The following RBM19 variants were observed in gnomAD, a reference collection of about 807,000 sequenced individuals.
The protein encoded by RBM19 is RNA binding motif protein 19, also known as probable RNA-binding protein 19.
A neutral mutation model predicts 116.8 loss-of-function variants in RBM19; 94 were observed. The observed-to-expected ratio is 0.80, with a 90% CI of 0.68 to 0.95. RBM19 has a LOEUF of 0.95. Ranked by LOEUF, RBM19 falls within the 40% of genes least tolerant of loss-of-function variation. The pLI is 0.00. For missense variants in RBM19, 1,161 were observed against 1,220.7 expected, an observed-to-expected ratio of 0.95 and a Z score of 0.73; for synonymous variants, 475 against 494.1, an observed-to-expected ratio of 0.96 and a Z score of 0.51.
chr12:113,946,445 T>C lies in RBM19; in HGVS notation c.1438A>G (p.Ile480Val), dbSNP rs1247065509. The part of the protein sequence containing the change: ...GRMLHVLPST[I>V]KKEASEDASA... ...GCATCCTCGCTGGCTTCCTTCTTGA[T>C]GGTAGATGGTAACACGTGGAGCATC... is the stretch of plus-strand genomic sequence containing the variant. Residue 480 changes from isoleucine (I) to valine (V), a missense_variant, in exon 12 of 24, where the codon ATC becomes GTC. Physicochemically the swap from Ile to Val is conservative, Grantham distance 29. Coordinates refer to ENST00000261741, the MANE Select transcript of RBM19 (RefSeq NM_016196.4). 2.5e-6 allele frequency: 4 copies of C among 1,614,092 alleles called. No homozygotes were observed. The highest frequency in any genetic ancestry group is 3.4e-6 in the Non-Finnish European group (4 of 1,180,000).
chr12:113,961,884 T>G (rs545388989), intron 2 of RBM19, among the ~76,000 whole-genome samples: 1 of 152,170 alleles, frequency 6.6e-6, no homozygotes. Context: ...CCCAGCATCA[T>G]TGAGTGCTTG....
At chr12:113,843,675 C>T (rs1435314207) in intron 23 of RBM19, among the ~76,000 whole-genome samples, 2 of 152,196 alleles carry the variant, frequency 1.3e-5, no homozygotes, top group Non-Finnish European at 2.9e-5. Context: ...AGGTCAAGTA[C>T]CCCTTGATAT....
chr12:113,952,300 A>T lies in RBM19; in HGVS notation c.1000+212T>A, dbSNP rs183854109. 2.0e-3 allele frequency among the ~76,000 whole-genome samples: 311 copies of T among 152,346 alleles called. 1 individual carries two copies. Among genetic ancestry groups the T allele is most frequent in the African/African-American group, 6.9e-3 (287 of 41,586 alleles). On this transcript the variant is annotated intron_variant, in intron 8 of 23. Transcript: ENST00000261741. ...TGAGGAAGGGAAGGATGAAAAGCACAGGTGAGAACTCCATCCCTATACACT... is the reference window on the plus strand; with the variant it reads ...TGAGGAAGGGAAGGATGAAAAGCACTGGTGAGAACTCCATCCCTATACACT...
At chr12:113,863,338 G>A (rs940946237) in intron 21 of RBM19, among the ~76,000 whole-genome samples, 1 of 152,104 alleles carries the variant, frequency 6.6e-6, no homozygotes, top group South Asian at 2.1e-4. Context: ...CTACCGAAAA[G>A]GGATGAATCA....
chr12:113,899,167 G>A (rs779910102), intron 21 of RBM19, among the ~76,000 whole-genome samples: 5 of 152,206 alleles, frequency 3.3e-5, no homozygotes, highest in Non-Finnish European at 7.3e-5. Context: ...CCATCACGTC[G>A]TTGGGAATTC....
chr12:113,934,494 T>G (rs1449011067), intron 16 of RBM19, among the ~76,000 whole-genome samples: 22 of 152,208 alleles, frequency 1.4e-4, no homozygotes, highest in Non-Finnish European at 1.5e-5. Flanking sequence ...CTTTTGCTCT[T>G]GGGTTCACTC....
chr12:113,856,878 A>C (rs1182475308), intron 22 of RBM19, among the ~76,000 whole-genome samples: 1 of 152,158 alleles, frequency 6.6e-6, no homozygotes, highest in Non-Finnish European at 1.5e-5. Context: ...AAACCCTGTG[A>C]CCATTTTACG....
In RBM19 at chr12:113,949,733, A is replaced by G. The variant is rs527785451; in HGVS notation, c.1072+350T>C. On this transcript the variant is annotated intron_variant, in intron 9 of 23. Coordinates refer to ENST00000261741, the MANE Select transcript of RBM19 (RefSeq NM_016196.4). ...TACACAACTGTAGGTTTGTGTCCCA[A>G]TGTCACCCCTCGGTGAGGCCAAAGC... 1.2e-4 allele frequency among the ~76,000 whole-genome samples: 18 copies of G among 152,216 alleles called. No homozygotes were observed. In the South Asian group the frequency reaches 2.3e-3, roughly 19 times the overall value.
intron 6 of RBM19, 93 bp from the exon 7 acceptor site, chr12:113,955,304 G>A: frequency 8.1e-7 from 1 of 1,230,658 alleles, no homozygotes; most frequent in Non-Finnish European, 1.2e-6. Context: ...TGCCAGAGAA[G>A]GTGCCTGCCG....
At position 113,939,996 on chromosome 12, in the gene RBM19, C is replaced by T; in HGVS notation, c.1902G>A (p.Glu634=). Reference sequence around the variant, plus strand: ...CCAGATGCCTGAAGGCCTTGCGGGCCTCCAGGGGCTCCAGGAACTCCACGA... The same window carrying T: ...CCAGATGCCTGAAGGCCTTGCGGGCTTCCAGGGGCTCCAGGAACTCCACGA... The part of the protein sequence containing the change: ...TAIVEFLEPL[E]ARKAFRHLAY... Residue 634 remains glutamate, a synonymous_variant, in exon 15 of 24, where the codon GAG becomes GAA. Transcript: ENST00000261741. 1 of 1,614,150 alleles carries T rather than the reference C, an allele frequency of 6.2e-7. No homozygotes were observed. Among genetic ancestry groups the T allele is most frequent in the South Asian group, 1.1e-5 (1 of 91,084 alleles).
At chr12:113,845,243 C>G (rs981566098) in intron 22 of RBM19, among the ~76,000 whole-genome samples, 2 of 152,076 alleles carry the variant, frequency 1.3e-5, no homozygotes, top group African/African-American at 2.4e-5. Flanking sequence ...CTCTGTCCCC[C>G]ACGCTGCTCT....
In RBM19 at chr12:113,959,260, C is replaced by A; in HGVS notation, c.523G>T (p.Asp175Tyr). The change falls in exon 5 of 24, where the codon GAT becomes TAT. Residue 175 changes from aspartate (D) to tyrosine (Y), a missense_variant. Coordinates refer to ENST00000261741, the MANE Select transcript of RBM19 (RefSeq NM_016196.4). ...TCCTCCTCACTCTCCTGCCCAGAAT[C>A]GGAGTCGAAGTTCAGGTAGTCACTG... Reference protein sequence around the residue: ...PASDYLNFDSDSGQESEEEGA... With the variant: ...PASDYLNFDSYSGQESEEEGA... The A allele has an allele frequency of 1.2e-6, 2 of 1,613,544 alleles. No individual in the cohort carries two copies. The highest frequency in any genetic ancestry group is 1.7e-6 in the Non-Finnish European group (2 of 1,179,894).
chr12:113,893,423 G>A (rs376824103), intron 21 of RBM19, among the ~76,000 whole-genome samples: 9 of 152,250 alleles, frequency 5.9e-5, no homozygotes, highest in Admixed American at 6.5e-5. Flanking sequence ...GAGCCACCGC[G>A]GCTGGCCTAC....
intron 21 of RBM19, among the ~76,000 whole-genome samples, chr12:113,889,893 A>G (rs933719413): frequency 1.9e-4 from 24 of 124,258 alleles, no homozygotes; most frequent in Admixed American, 5.1e-4. Context: ...GCTGAGGGGG[A>G]AAAAAAAAAA....
At chr12:113,851,340 T>C (rs893039502) in intron 22 of RBM19, among the ~76,000 whole-genome samples, 2 of 152,142 alleles carry the variant, frequency 1.3e-5, no homozygotes, top group South Asian at 4.1e-4. Flanking sequence ...CGGCTCAAAG[T>C]CTCTGGGGAG....
At chr12:113,910,008 T>C (rs1206529285) in intron 21 of RBM19, among the ~76,000 whole-genome samples, 2 of 152,102 alleles carry the variant, frequency 1.3e-5, no homozygotes, top group African/African-American at 4.8e-5. Flanking sequence ...GAGAAGTGCA[T>C]TGAATCCACA....
At chr12:113,891,980 A>G (rs1313757928) in intron 21 of RBM19, among the ~76,000 whole-genome samples, 1 of 152,166 alleles carries the variant, frequency 6.6e-6, no homozygotes, top group Non-Finnish European at 1.5e-5. Context: ...GTGACAACGC[A>G]CATCCTGAAT....
At chr12:113,921,541 T>A (rs567518498) in intron 18 of RBM19, among the ~76,000 whole-genome samples, 1 of 152,202 alleles carries the variant, frequency 6.6e-6, no homozygotes, top group Non-Finnish European at 1.5e-5. Flanking sequence ...TCTTTACCTT[T>A]ACTGTGCTGT....
intron 23 of RBM19, among the ~76,000 whole-genome samples, chr12:113,831,087 T>C (rs73393041): frequency 0.031 from 4,760 of 152,280 alleles, 239 homozygotes; most frequent in African/African-American, 0.11. Context: ...TGTGGGAATG[T>C]GGAACCAGGC....
Sources: allele counts gnomAD v4.1 joint callset (sites outside exome capture counted in the v4.1 genomes callset), GRCh38; gene constraint gnomAD v4.1.1; transcripts MANE v1.5; gene names NCBI Gene and HGNC (gene_info 2026-07-23, HGNC 2026-07-21).